Variants in NDUFA13 observed in about 807,000 individuals in gnomAD.
The protein encoded by NDUFA13 is NADH dehydrogenase [ubiquinone] 1 alpha subcomplex subunit 13.
A neutral mutation model predicts 17.0 loss-of-function variants in NDUFA13; 16 were observed. The observed-to-expected ratio is 0.94, with a 90% CI of 0.64 to 1.43. The LOEUF is 1.43. Among genes scored for constraint, NDUFA13 ranks in the 40% most tolerant of loss-of-function variants. The pLI is 0.00. For missense variants in NDUFA13, 228 were observed against 206.7 expected (o/e 1.10, Z -0.63); for synonymous variants, 87 against 78.4 (o/e 1.11, Z -0.58).
chr19:19,522,064 G>A (rs909703418), intron 1 of NDUFA13, among the ~76,000 whole-genome samples: 2 of 152,036 alleles, frequency 1.3e-5, no homozygotes, highest in African/African-American at 2.4e-5. Flanking sequence ...CAGCACTTTG[G>A]GGGGCAGAGG....
intron 1 of NDUFA13, among the ~76,000 whole-genome samples, chr19:19,525,763 G>A (rs546903920): frequency 6.0e-5 from 7 of 116,820 alleles, no homozygotes; most frequent in South Asian, 2.7e-4. Flanking sequence ...CCTAGAGTCC[G>A]GGGGGTGGCT....
rs752116467 is a variant in NDUFA13, at chr19:19,522,669, A to G, written c.95-3513A>G. Among the ~76,000 whole-genome samples the G allele has an allele frequency of 5.9e-4, 90 of 151,898 alleles. 1 individual carries two copies. The highest frequency in any genetic ancestry group is 7.2e-4 in the Admixed American group (11 of 15,254). On this transcript the variant is annotated intron_variant, in intron 1 of 4. Transcript: ENST00000507754. ...AATTTTTTGTATTTTTAGTAGAGAC[A>G]GGGTTTCACCGTGTTAGCCAGGATG...
intron 1 of NDUFA13, among the ~76,000 whole-genome samples, chr19:19,525,533 G>C (rs1366148042): frequency 6.6e-6 from 1 of 152,256 alleles, no homozygotes; most frequent in Non-Finnish European, 1.5e-5. Context: ...CCAGAGAAGA[G>C]ACTGGGGCTG....
intron 1 of NDUFA13, among the ~76,000 whole-genome samples, chr19:19,518,298 G>A (rs568074828): frequency 6.1e-4 from 92 of 151,346 alleles, no homozygotes; most frequent in Admixed American, 4.5e-3. Context: ...GCAGTGGCCC[G>A]ATCTTGGCTC....
intron 1 of NDUFA13, among the ~76,000 whole-genome samples, chr19:19,520,822 T>C (rs1255419979): frequency 1.3e-5 from 2 of 152,230 alleles, no homozygotes; most frequent in Admixed American, 1.3e-4. Flanking sequence ...TGGATTTGCC[T>C]GTTCTGGCCA....
chr19:19,524,324 A>G (rs1349190735), intron 1 of NDUFA13, among the ~76,000 whole-genome samples: 2 of 152,240 alleles, frequency 1.3e-5, no homozygotes, highest in Non-Finnish European at 2.9e-5. Flanking sequence ...TCTCTGTTCT[A>G]TGCCAGTGCC....
chr19:19,520,135 C>T (rs533083205), intron 1 of NDUFA13, among the ~76,000 whole-genome samples: 20 of 152,020 alleles, frequency 1.3e-4, no homozygotes, highest in Admixed American at 7.2e-4. Flanking sequence ...TGAGCCACTG[C>T]GCCCGGCTGG....
chr19:19,525,620 G>A (rs987768826), intron 1 of NDUFA13, among the ~76,000 whole-genome samples: 1 of 152,198 alleles, frequency 6.6e-6, no homozygotes, highest in South Asian at 2.1e-4. Flanking sequence ...ATCCCAGTGG[G>A]CCCCCAGCCT....
At chr19:19,523,462 T>C (rs188842942) in intron 1 of NDUFA13, among the ~76,000 whole-genome samples, 1 of 152,186 alleles carries the variant, frequency 6.6e-6, no homozygotes, top group Non-Finnish European at 1.5e-5. Flanking sequence ...TGTTTTTGTT[T>C]TTGGTTTTGT....
chr19:19,524,190 G>A (rs2061090611), intron 1 of NDUFA13, among the ~76,000 whole-genome samples: 1 of 152,162 alleles, frequency 6.6e-6, no homozygotes, highest in Non-Finnish European at 1.5e-5. Flanking sequence ...CAGACTAGCA[G>A]TTCCTAAGGC....
At chr19:19,523,819 A>C (rs2061088908) in intron 1 of NDUFA13, among the ~76,000 whole-genome samples, 1 of 152,224 alleles carries the variant, frequency 6.6e-6, no homozygotes, top group Non-Finnish European at 1.5e-5. Flanking sequence ...AATTCCAGCT[A>C]TTCAGGAAGC....
rs143721973 is a variant in NDUFA13 at position 19,516,225 on chromosome 19, G to A, written c.-14G>A. ...CACTTCCGCCCGGGACCGGAAGTGT[G>A]GGATACTGCGAGTATGGCGGCGTCA... On this transcript the variant is annotated 5_prime_UTR_variant, in exon 1 of 5. Transcript: ENST00000507754. The A allele has an allele frequency of 1.1e-5, 17 of 1,613,994 alleles. No individual in the cohort carries two copies. In the African/African-American group the frequency reaches 2.0e-4, roughly 19 times the overall value.
At chr19:19,519,045 ATTTT>A (rs71170693) in intron 1 of NDUFA13, among the ~76,000 whole-genome samples, 15 of 114,878 alleles carry the variant, frequency 1.3e-4, no homozygotes, top group African/African-American at 3.8e-4. Context: ...GGCCCGGCCT[ATTTT>A]TTTTTTTTTT....
chr19:19,522,721 G>A (rs1222475053), intron 1 of NDUFA13, among the ~76,000 whole-genome samples: 1 of 151,986 alleles, frequency 6.6e-6, no homozygotes, highest in Admixed American at 6.6e-5. Context: ...CTCGTGATCC[G>A]CCTGCCTTGG....
intron 1 of NDUFA13, among the ~76,000 whole-genome samples, chr19:19,522,460 C>G (rs1018740152): frequency 7.3e-5 from 10 of 137,522 alleles, no homozygotes; most frequent in Non-Finnish European, 1.4e-4. Context: ...TCAGCTCTTA[C>G]GCTTAGGTCT....
intron 2 of NDUFA13, 110 bp from the exon 3 acceptor site, chr19:19,527,171 C>T (rs1291093505): frequency 1.8e-6 from 2 of 1,121,304 alleles, no homozygotes; most frequent in Non-Finnish European, 1.3e-6. Context: ...TGCCTCCCCG[C>T]CCCCCTCCGC....
intron 1 of NDUFA13, 28 bp downstream of exon 1, chr19:19,516,360 A>C: frequency 7.5e-6 from 12 of 1,610,034 alleles, no homozygotes; most frequent in Non-Finnish European, 1.0e-5. Flanking sequence ...CCGGGGTCTC[A>C]GAGTCTGGGC....
intron 3 of NDUFA13, 95 bp from the exon 4 acceptor site, chr19:19,527,606 C>G: frequency 9.3e-7 from 1 of 1,070,724 alleles, no homozygotes; most frequent in Non-Finnish European, 1.4e-6. Flanking sequence ...GAGACAGGGT[C>G]GGAGGGAGGC....
intron 2 of NDUFA13, chr19:19,526,783 C>T (rs945175093): frequency 3.5e-6 from 1 of 284,470 alleles, no homozygotes; most frequent in South Asian, 3.4e-5. Flanking sequence ...ACCCCTCCCC[C>T]AACCCCAACG....
Sources: allele counts gnomAD v4.1 joint callset (sites outside exome capture counted in the v4.1 genomes callset), GRCh38; gene constraint gnomAD v4.1.1; transcripts MANE v1.5; gene names NCBI Gene and HGNC (gene_info 2026-07-23, HGNC 2026-07-21).